FER: variants seen among roughly 807,000 people sequenced by gnomAD.
The protein encoded by FER is FER tyrosine kinase, also known as tyrosine-protein kinase Fer.
In FER, 63 loss-of-function variants were observed where a neutral mutation model predicts 111.0. The ratio of observed to expected loss-of-function variants is 0.57; its 90% CI spans 0.46 to 0.70. The LOEUF is 0.70. Ranked by LOEUF, FER falls within the 30% of genes least tolerant of loss-of-function variation. The pLI, the probability that FER is intolerant of heterozygous loss-of-function variation, is 0.00. For synonymous variants in FER, 327 were observed against 313.9 expected, an observed-to-expected ratio of 1.04 and a Z score of -0.44; for missense variants, 914 against 954.0, an observed-to-expected ratio of 0.96 and a Z score of 0.55.
At chr5:109,047,556 C>T (rs1489612079) in intron 16 of FER, among the ~76,000 whole-genome samples, 2 of 152,030 alleles carry the variant, frequency 1.3e-5, no homozygotes, top group African/African-American at 2.4e-5. Flanking sequence ...TATCATTTTC[C>T]AAGTACATCT....
chr5:108,754,607 A>G (rs912878802), intron 1 of FER, among the ~76,000 whole-genome samples: 2 of 152,120 alleles, frequency 1.3e-5, no homozygotes, highest in Non-Finnish European at 2.9e-5. Context: ...ATAGAGACCT[A>G]TATTTAAAAG....
At chr5:108,992,154 G>A (rs1288237679) in intron 13 of FER, among the ~76,000 whole-genome samples, 1 of 152,146 alleles carries the variant, frequency 6.6e-6, no homozygotes, top group Non-Finnish European at 1.5e-5. Context: ...TTAACCCTGA[G>A]TGGACACAGC....
rs186692284 is a variant in FER, at chr5:108,993,345, C to G, written c.1656+33998C>G. 1.0e-3 allele frequency among the ~76,000 whole-genome samples: 157 copies of G among 152,294 alleles called. 2 individuals carry two copies. In the East Asian group the frequency reaches 0.029, roughly 29 times the overall value. On this transcript the variant is annotated intron_variant, in intron 13 of 19. Coordinates refer to ENST00000281092, the MANE Select transcript of FER (RefSeq NM_005246.4). The stretch of plus-strand genomic sequence containing the variant: ...CGCGGTTAGGAGCTAGAGACCAGCC[C>G]GGCCAACACAGCGAAACCCCGTCTC...
chr5:108,802,800 A>G (rs1295650181), intron 3 of FER, among the ~76,000 whole-genome samples: 2 of 152,072 alleles, frequency 1.3e-5, no homozygotes, highest in African/African-American at 2.4e-5. Context: ...CTGTTTCTAC[A>G]AAACAGAAAC....
In FER at chr5:109,190,929, AAT is replaced by A. The variant is rs952240136; in HGVS notation, c.*3355_*3356del. Reference sequence around the variant, plus strand: ...TTTTAGGATTATTTTGAGAAGAAAAAATGTTTTGTAATTGAAATAGTTTTAAT... The same window carrying A: ...TTTTAGGATTATTTTGAGAAGAAAAAGTTTTGTAATTGAAATAGTTTTAAT... On this transcript the variant is annotated 3_prime_UTR_variant, in exon 20 of 20. Coordinates refer to ENST00000281092, the MANE Select transcript of FER (RefSeq NM_005246.4). 6.6e-6 allele frequency: 1 copy of A among 152,156 alleles called. No individual in the cohort carries two copies. The highest frequency in any genetic ancestry group is 2.4e-5 in the African/African-American group (1 of 41,456). The allele number at this position is 152,156 out of a possible 1,614,324, so 9.4% of individuals were successfully genotyped here. A position where few individuals can be genotyped will look rare whatever the true frequency, so the allele number is the denominator to read the frequency against.
At chr5:109,171,954 G>A (rs1324709733) in intron 17 of FER, among the ~76,000 whole-genome samples, 1 of 152,146 alleles carries the variant, frequency 6.6e-6, no homozygotes, top group East Asian at 1.9e-4. Context: ...ACACCAGTTA[G>A]AATGGCAATC....
chr5:108,959,183 C>T, intron 12 of FER, 42 bp from the exon 13 acceptor site: 1 of 1,576,740 alleles, frequency 6.3e-7, no homozygotes, highest in Non-Finnish European at 8.6e-7. Context: ...TTTTCTAAAG[C>T]AATGTCTTCA....
chr5:109,076,617 T>A (rs1273485436), intron 16 of FER, among the ~76,000 whole-genome samples: 1 of 152,060 alleles, frequency 6.6e-6, no homozygotes, highest in Non-Finnish European at 1.5e-5. Flanking sequence ...TTTGTATTTT[T>A]TATAGAGATG....
At chr5:109,082,025 T>A (rs1250650867) in intron 16 of FER, among the ~76,000 whole-genome samples, 1 of 148,414 alleles carries the variant, frequency 6.7e-6, no homozygotes, top group African/African-American at 2.5e-5. Context: ...TTTTACTATA[T>A]CTTATTATAG....
chr5:109,009,607 C>T (rs1037956168), intron 13 of FER, among the ~76,000 whole-genome samples: 3 of 152,288 alleles, frequency 2.0e-5, no homozygotes, highest in South Asian at 4.1e-4. Context: ...TCTCCCTTTG[C>T]GTTTTGCTTC....
rs964168840 is a variant in FER at position 108,748,019 on chromosome 5, G to C, written c.-206+19G>C. ...CGAAGAGGTAAGAATTTATTATAGG[G>C]GGCCACTCCCAGGACCTGCTGTATG... On this transcript the variant is annotated intron_variant, in intron 1 of 19. Coordinates refer to ENST00000281092, the MANE Select transcript of FER (RefSeq NM_005246.4). 6.6e-6 allele frequency: 1 copy of C among 152,176 alleles called. No individual in the cohort carries two copies. Among genetic ancestry groups the C allele is most frequent in the Non-Finnish European group, 1.5e-5 (1 of 68,048 alleles). 9.4% of individuals were successfully genotyped at this position (152,176 alleles called of 1,614,324 possible).
intron 13 of FER, among the ~76,000 whole-genome samples, chr5:108,997,454 T>C (rs1256571748): frequency 6.6e-6 from 1 of 150,716 alleles, no homozygotes; most frequent in Non-Finnish European, 1.5e-5. Context: ...GCTGAGACGA[T>C]GGGGTTTTCC....
Position 109,109,588 on chromosome 5 carries a change from G to A in FER, c.2048+9069G>A, listed in dbSNP as rs900684701. Among the ~76,000 whole-genome samples, 10 of 152,136 alleles carry A rather than the reference G, an allele frequency of 6.6e-5. No homozygotes were observed. The South Asian group carries it at 1.3e-3, about 19-fold the overall frequency. Reference sequence around the variant, plus strand: ...AGTACACTGATTCAGGTTAGAGAAGGCAAGGCTACTTAAGTAGCAAAGGAG... The same window carrying A: ...AGTACACTGATTCAGGTTAGAGAAGACAAGGCTACTTAAGTAGCAAAGGAG... On this transcript the variant is annotated intron_variant, in intron 17 of 19. Coordinates refer to ENST00000281092, the MANE Select transcript of FER (RefSeq NM_005246.4).
rs561485191 is a variant in FER at position 108,866,044 on chromosome 5, T to C, written c.482-1723T>C. Among the ~76,000 whole-genome samples, 48 of 152,324 alleles carry C rather than the reference T, an allele frequency of 3.2e-4. No individual in the cohort carries two copies. In the South Asian group the frequency reaches 6.8e-3, roughly 22 times the overall value. ...TCAGTGTGGTGATTCTTCAGGGATC[T>C]GGAACTAGAAGTACCATTTGACCCA... On this transcript the variant is annotated intron_variant, in intron 5 of 19. Coordinates refer to ENST00000281092, the MANE Select transcript of FER (RefSeq NM_005246.4).
intron 1 of FER, among the ~76,000 whole-genome samples, chr5:108,751,885 C>T (rs745364791): frequency 1.1e-4 from 16 of 151,926 alleles, no homozygotes; most frequent in Non-Finnish European, 1.6e-4. Context: ...TTTCTATACC[C>T]GAGAAATTTG....
chr5:109,040,072 A>G (rs1770940080), intron 14 of FER, among the ~76,000 whole-genome samples: 1 of 152,102 alleles, frequency 6.6e-6, no homozygotes, highest in African/African-American at 2.4e-5. Flanking sequence ...TTAGAGAAAG[A>G]TTTCAGTCCT....
At chr5:108,907,766 A>T (rs1750998615) in intron 10 of FER, among the ~76,000 whole-genome samples, 1 of 152,236 alleles carries the variant, frequency 6.6e-6, no homozygotes, top group Non-Finnish European at 1.5e-5. Flanking sequence ...TTAATCATTA[A>T]TATTCCTTAG....
intron 8 of FER, among the ~76,000 whole-genome samples, chr5:108,875,004 CTG>C (rs34034278): frequency 0.084 from 12,722 of 152,110 alleles, 673 homozygotes; most frequent in African/African-American, 0.16. Context: ...CTTATCCCCT[CTG>C]TTATGGAAAT....
intron 8 of FER, among the ~76,000 whole-genome samples, chr5:108,876,168 C>T (rs1425384137): frequency 6.6e-6 from 1 of 152,128 alleles, no homozygotes; most frequent in Non-Finnish European, 1.5e-5. Flanking sequence ...CATTTTTATG[C>T]AGCCCACGAG....
Sources: allele counts gnomAD v4.1 joint callset (sites outside exome capture counted in the v4.1 genomes callset), GRCh38; gene constraint gnomAD v4.1.1; transcripts MANE v1.5; gene names NCBI Gene and HGNC (gene_info 2026-07-23, HGNC 2026-07-21).